The following HTR1F variants were observed in gnomAD, a reference collection of about 807,000 sequenced individuals.
HTR1F encodes the protein 5-hydroxytryptamine (serotonin) receptor 1F, G protein-coupled.
A neutral mutation model predicts 24.0 loss-of-function variants in HTR1F; 17 were observed. The ratio of observed to expected loss-of-function variants is 0.71; its 90% CI spans 0.48 to 1.06. HTR1F has a LOEUF of 1.06. Among genes scored for constraint, HTR1F ranks in the 50% least tolerant of loss-of-function variants. The probability of loss-of-function intolerance (pLI) is 0.00; values close to 1 mark genes in which losing one functional copy is unlikely to be tolerated. For missense variants in HTR1F, 391 were observed against 427.8 expected (o/e 0.91, Z 0.76); for synonymous variants, 186 against 156.8 (o/e 1.19, Z -1.39).
At chr3:87,981,585 A>G (rs991306491) in intron 2 of HTR1F, among the ~76,000 whole-genome samples, 2 of 152,164 alleles carry the variant, frequency 1.3e-5, no homozygotes, top group Non-Finnish European at 2.9e-5. Flanking sequence ...TATTACCTTC[A>G]CAACTCCACT....
rs1390943425 is a variant in HTR1F at position 87,798,657 on chromosome 3, C to T, written c.-160+5815C>T. Among the ~76,000 whole-genome samples the T allele has an allele frequency of 2.0e-5, 3 of 152,072 alleles. No homozygotes were observed. The East Asian group carries it at 5.8e-4, about 29-fold the overall frequency. On this transcript the variant is annotated intron_variant, in intron 1 of 2. Transcript: ENST00000319595. Reference sequence around the variant, plus strand: ...CCTCCACTCCCATTAACTCCTCTCCCACCACAGGCCGGATTCCACTCCCAC... The same window carrying T: ...CCTCCACTCCCATTAACTCCTCTCCTACCACAGGCCGGATTCCACTCCCAC...
At chr3:87,964,657 T>C (rs1705127114) in intron 2 of HTR1F, among the ~76,000 whole-genome samples, 1 of 152,020 alleles carries the variant, frequency 6.6e-6, no homozygotes, top group South Asian at 2.1e-4. Flanking sequence ...AGAGGGTTAG[T>C]AAAGGGAAAG....
intron 2 of HTR1F, among the ~76,000 whole-genome samples, chr3:87,926,314 G>A (rs559251778): frequency 6.6e-6 from 1 of 152,212 alleles, no homozygotes; most frequent in South Asian, 2.1e-4. Context: ...CAGACAGTAG[G>A]ATATGCACAG....
chr3:87,843,531 T>TGAG (rs1704857246), intron 2 of HTR1F, among the ~76,000 whole-genome samples: 1 of 150,372 alleles, frequency 6.7e-6, no homozygotes, highest in South Asian at 2.1e-4. Context: ...TTTTAATTTA[T>TGAG]TTATTTTATT....
intron 1 of HTR1F, among the ~76,000 whole-genome samples, chr3:87,818,637 T>A (rs1260244417): frequency 6.6e-6 from 1 of 152,194 alleles, no homozygotes; most frequent in African/African-American, 2.4e-5. Context: ...GTCCTCTGTT[T>A]CCTTAGCCTT....
chr3:87,973,179 AT>A (rs1705322732), intron 2 of HTR1F, among the ~76,000 whole-genome samples: 1 of 152,098 alleles, frequency 6.6e-6, no homozygotes. Flanking sequence ...ATCAAAAAAA[AT>A]AAGTAATAAT....
chr3:87,986,714 C>T (rs1431904643), intron 2 of HTR1F, among the ~76,000 whole-genome samples: 2 of 152,040 alleles, frequency 1.3e-5, no homozygotes, highest in Non-Finnish European at 2.9e-5. Context: ...TCTCTTATGC[C>T]AAAATTGTTT....
intron 2 of HTR1F, among the ~76,000 whole-genome samples, chr3:87,855,385 C>G (rs1012651002): frequency 6.6e-6 from 1 of 152,026 alleles, no homozygotes; most frequent in Non-Finnish European, 1.5e-5. Context: ...CTAGAAAAAG[C>G]TTTGTTCAGA....
At chr3:87,947,676 T>C (rs1252385290) in intron 2 of HTR1F, among the ~76,000 whole-genome samples, 1 of 152,158 alleles carries the variant, frequency 6.6e-6, no homozygotes, top group Non-Finnish European at 1.5e-5. Flanking sequence ...TAAAATAAGA[T>C]AATAATAACA....
intron 2 of HTR1F, among the ~76,000 whole-genome samples, chr3:87,987,658 A>ATGTATTATATATATATTTTATATATAT (rs1559660057): frequency 0.015 from 1,373 of 94,500 alleles, 181 homozygotes; most frequent in East Asian, 0.032. Context: ...ATATATATAT[A>ATGTATTATATATATATTTTATATATAT]AAAATATATG....
chr3:87,876,614 T>C (rs1400979987), intron 2 of HTR1F, among the ~76,000 whole-genome samples: 1 of 152,144 alleles, frequency 6.6e-6, no homozygotes, highest in Non-Finnish European at 1.5e-5. Flanking sequence ...GTTCCACTTA[T>C]AGGCGTCATA....
chr3:87,981,285 C>T (rs2107513394), intron 2 of HTR1F, among the ~76,000 whole-genome samples: 1 of 152,324 alleles, frequency 6.6e-6, no homozygotes, highest in Non-Finnish European at 1.5e-5. Context: ...ACCTCCACCT[C>T]CCAGGTTCAA....
intron 2 of HTR1F, among the ~76,000 whole-genome samples, chr3:87,936,662 G>C (rs947224006): frequency 4.6e-5 from 7 of 152,068 alleles, no homozygotes; most frequent in Non-Finnish European, 1.0e-4. Flanking sequence ...GTGAACTTTG[G>C]AGCACAACAA....
At chr3:87,846,870 T>A (rs1236654391) in intron 2 of HTR1F, among the ~76,000 whole-genome samples, 2 of 151,944 alleles carry the variant, frequency 1.3e-5, no homozygotes, top group African/African-American at 4.8e-5. Flanking sequence ...TTTATAGAAA[T>A]TTTCTAGCAG....
At chr3:87,942,718 G>A (rs1704599743) in intron 2 of HTR1F, among the ~76,000 whole-genome samples, 1 of 151,386 alleles carries the variant, frequency 6.6e-6, no homozygotes, top group South Asian at 2.1e-4. Flanking sequence ...CTTGCCTGAG[G>A]GCCATGACTA....
chr3:87,856,930 A>G (rs1189230745), intron 2 of HTR1F, among the ~76,000 whole-genome samples: 2 of 152,138 alleles, frequency 1.3e-5, no homozygotes, highest in African/African-American at 2.4e-5. Flanking sequence ...GGGCATTATT[A>G]GCAAAAATGA....
At chr3:87,794,392 T>C (rs1338916986) in intron 1 of HTR1F, among the ~76,000 whole-genome samples, 1 of 152,222 alleles carries the variant, frequency 6.6e-6, no homozygotes, top group East Asian at 1.9e-4. Flanking sequence ...TGAGAGTATG[T>C]ATTCACTGTT....
At chr3:87,830,203 G>C (rs951505376) in intron 2 of HTR1F, among the ~76,000 whole-genome samples, 4 of 152,068 alleles carry the variant, frequency 2.6e-5, no homozygotes, top group African/African-American at 9.7e-5. Flanking sequence ...GAGTCTATGA[G>C]CCCCTTGAAA....
chr3:87,968,263 A>T (rs1400549764), intron 2 of HTR1F, among the ~76,000 whole-genome samples: 1 of 151,848 alleles, frequency 6.6e-6, no homozygotes, highest in African/African-American at 2.4e-5. Flanking sequence ...CCCAGGCTGG[A>T]GTGCAATGGC....
Sources: allele counts gnomAD v4.1 joint callset (sites outside exome capture counted in the v4.1 genomes callset), GRCh38; gene constraint gnomAD v4.1.1; transcripts MANE v1.5; gene names NCBI Gene and HGNC (gene_info 2026-07-23, HGNC 2026-07-21).